Variants in MCFD2 observed in about 807,000 individuals in gnomAD.
The protein encoded by MCFD2 is multiple coagulation factor deficiency protein 2.
Under a neutral mutation model 12.8 loss-of-function variants are expected in MCFD2, and 11 were observed. The ratio of observed to expected loss-of-function variants is 0.86; its 90% CI spans 0.54 to 1.42. MCFD2 has a LOEUF of 1.42. Ranked by LOEUF, MCFD2 falls within the 40% of genes most tolerant of loss-of-function variation. The pLI is 0.00. For missense variants in MCFD2, 191 were observed against 178.6 expected (o/e 1.07, Z -0.40); for synonymous variants, 70 against 68.1 (o/e 1.03, Z -0.14).
chr2:46,927,564 G>A (rs974237888), intron 1 of MCFD2, among the ~76,000 whole-genome samples: 10 of 151,866 alleles, frequency 6.6e-5, no homozygotes, highest in Non-Finnish European at 1.5e-4. Flanking sequence ...GTTTCACCGT[G>A]TTAGCCAGGA....
intron 1 of MCFD2, among the ~76,000 whole-genome samples, chr2:46,910,028 C>T (rs62136827): frequency 0.12 from 17,547 of 152,110 alleles, 1,408 homozygotes; most frequent in African/African-American, 0.22. Flanking sequence ...TCTGCGGCAG[C>T]GGACAAGGTT....
intron 3 of MCFD2, 119 bp from the exon 4 acceptor site, chr2:46,905,713 AAAG>A (rs1668196369): frequency 6.4e-6 from 7 of 1,100,988 alleles, no homozygotes; most frequent in East Asian, 2.5e-5. Context: ...AAAAAAAAAA[AAAG>A]GAAAAACAAA....
At chr2:46,928,033 T>C (rs1161907283) in intron 1 of MCFD2, among the ~76,000 whole-genome samples, 3 of 151,134 alleles carry the variant, frequency 2.0e-5, no homozygotes, top group African/African-American at 7.3e-5. Flanking sequence ...AGCTGACCAC[T>C]GGCATACACC....
chr2:46,921,930 C>T (rs974359706), intron 1 of MCFD2, among the ~76,000 whole-genome samples: 2 of 152,212 alleles, frequency 1.3e-5, no homozygotes, highest in Non-Finnish European at 2.9e-5. Flanking sequence ...CCAGTGCTCA[C>T]TTCCTGCTGT....
chr2:46,911,030 A>T (rs1668464872), intron 1 of MCFD2, among the ~76,000 whole-genome samples: 1 of 152,196 alleles, frequency 6.6e-6, no homozygotes, highest in East Asian at 1.9e-4. Context: ...TCCACCACCA[A>T]AAAAAGGAAG....
intron 1 of MCFD2, among the ~76,000 whole-genome samples, chr2:46,911,827 G>A (rs1172037901): frequency 6.6e-6 from 1 of 152,122 alleles, no homozygotes; most frequent in Non-Finnish European, 1.5e-5. Context: ...TTGGGAGGCT[G>A]CGGCAGGAGA....
Position 46,941,762 on chromosome 2 carries a change from C to T in MCFD2, c.-198G>A. 6.5e-7 allele frequency: 1 copy of T among 1,546,358 alleles called. No individual in the cohort carries two copies. Among genetic ancestry groups the T allele is most frequent in the Non-Finnish European group, 8.7e-7 (1 of 1,145,296 alleles). On this transcript the variant is annotated 5_prime_UTR_variant, in exon 1 of 3. Transcript: ENST00000409147. The surrounding 1 kb of genome is among the most constrained non-coding windows in gnomAD (Gnocchi z 4.2). ...AAGAGGCTGGCTCGCCGGCAGCGAG[C>T]GCGCGAAACGCACCGCCTCCTCCAG...
intron 1 of MCFD2, among the ~76,000 whole-genome samples, chr2:46,935,452 T>G (rs145280663): frequency 6.6e-6 from 1 of 152,278 alleles, no homozygotes; most frequent in African/African-American, 2.4e-5. Context: ...CAACACTTCA[T>G]AACTATTCCA....
intron 1 of MCFD2, among the ~76,000 whole-genome samples, chr2:46,923,277 C>T (rs778920379): frequency 3.3e-5 from 5 of 152,240 alleles, no homozygotes; most frequent in Non-Finnish European, 5.9e-5. Context: ...GCCCCTCTCT[C>T]CTCCCTGGAG....
chr2:46,913,424 G>C (rs1572618071), intron 1 of MCFD2, among the ~76,000 whole-genome samples: 1 of 152,236 alleles, frequency 6.6e-6, no homozygotes, highest in Non-Finnish European at 1.5e-5. Flanking sequence ...AAGGAAAGAA[G>C]GCAGGCGAGG....
At chr2:46,915,362 A>G (rs1378852624) in intron 1 of MCFD2, among the ~76,000 whole-genome samples, 1 of 151,756 alleles carries the variant, frequency 6.6e-6, no homozygotes, top group East Asian at 1.9e-4. Flanking sequence ...TCTCCCCGAG[A>G]GAGGGAACAA....
intron 1 of MCFD2, among the ~76,000 whole-genome samples, chr2:46,924,050 T>A (rs900463185): frequency 1.3e-5 from 2 of 152,026 alleles, no homozygotes; most frequent in South Asian, 4.2e-4. Flanking sequence ...GAAAATTTTT[T>A]AAAAAATAGC....
chr2:46,919,915 G>A (rs1056239457), upstream of MCFD2, among the ~76,000 whole-genome samples: 1 of 152,256 alleles, frequency 6.6e-6, no homozygotes, highest in African/African-American at 2.4e-5. Context: ...TCCCCTGTCA[G>A]CTGGGATGGG....
At chr2:46,914,515 G>A (rs180878801) in intron 1 of MCFD2, among the ~76,000 whole-genome samples, 113 of 152,300 alleles carry the variant, frequency 7.4e-4, no homozygotes, top group African/African-American at 2.6e-3. Context: ...TTCTGAAAAA[G>A]CAGGCATTTA....
In MCFD2 at chr2:46,905,243, C is replaced by G; in HGVS notation, c.*220G>C. ...ACAGATGCTTGAAGCAAGCCCTTGT[C>G]CAATAAGGTATTTAATAGCACTTAG... On this transcript the variant is annotated 3_prime_UTR_variant, in exon 4 of 4. Coordinates refer to ENST00000319466, the MANE Select transcript of MCFD2 (RefSeq NM_139279.6). The G allele has an allele frequency of 1.8e-6, 1 of 568,306 alleles. No homozygotes were observed. The highest frequency in any genetic ancestry group is 1.9e-5 in the South Asian group (1 of 53,980). The allele number at this position is 568,306 out of a possible 1,614,324, so 35.2% of individuals were successfully genotyped here.
At chr2:46,918,985 CAG>C (rs1032710592), upstream of MCFD2, among the ~76,000 whole-genome samples, 5 of 152,256 alleles carry the variant, frequency 3.3e-5, no homozygotes, top group South Asian at 4.1e-4. Context: ...CAAGTAGAGA[CAG>C]AGAGGTGGCT....
Position 46,911,687 on chromosome 2 carries a change from C to T in MCFD2, c.-6-2510G>A, listed in dbSNP as rs928725521. ...CTGTAATCCCAGCACTTTGGGAGGCCGAGGCGGGCAGATCACGAGGTCAGG... is the reference window on the plus strand; with the variant it reads ...CTGTAATCCCAGCACTTTGGGAGGCTGAGGCGGGCAGATCACGAGGTCAGG... On this transcript the variant is annotated intron_variant, in intron 1 of 3. Coordinates refer to ENST00000319466, the MANE Select transcript of MCFD2 (RefSeq NM_139279.6). 5.3e-5 allele frequency among the ~76,000 whole-genome samples: 8 copies of T among 151,682 alleles called. No homozygotes were observed. In the East Asian group the frequency reaches 5.9e-4, roughly 11 times the overall value.
chr2:46,928,119 T>G (rs1669493298), intron 1 of MCFD2, among the ~76,000 whole-genome samples: 3 of 151,746 alleles, frequency 2.0e-5, no homozygotes, highest in African/African-American at 7.3e-5. Flanking sequence ...CTCTAACTCC[T>G]CGGCTCAGGT....
intron 1 of MCFD2, among the ~76,000 whole-genome samples, chr2:46,922,013 G>A (rs1219650308): frequency 6.6e-6 from 1 of 152,194 alleles, no homozygotes; most frequent in Admixed American, 6.5e-5. Flanking sequence ...AAAAACTAAA[G>A]ACATACTGGG....
Sources: gnomAD v4.1 joint callset for allele counts (sites outside exome capture counted in the v4.1 genomes callset) on GRCh38, gnomAD v4.1.1 for gene constraint, Gnocchi (gnomAD v3.1) non-coding constraint, MANE v1.5 for transcripts, NCBI Gene and HGNC (gene_info 2026-07-23, HGNC 2026-07-21) for gene names.